The following DHRS7B variants were observed in gnomAD, a reference collection of about 807,000 sequenced individuals.
The protein encoded by DHRS7B is peroxisomal reductase activating PPAR-gamma.
Under a neutral mutation model 26.4 loss-of-function variants are expected in DHRS7B, and 24 were observed. The ratio of observed to expected loss-of-function variants is 0.91; its 90% CI spans 0.66 to 1.28. DHRS7B has a LOEUF of 1.28. DHRS7B is among the 50% of genes most tolerant of loss of function. The probability of loss-of-function intolerance (pLI) is 0.00; values close to 1 mark genes in which losing one functional copy is unlikely to be tolerated. For missense variants in DHRS7B, 368 were observed against 419.4 expected, an observed-to-expected ratio of 0.88 and a Z score of 1.07; for synonymous variants, 142 against 166.4, an observed-to-expected ratio of 0.85 and a Z score of 1.13.
intron 3 of DHRS7B, among the ~76,000 whole-genome samples, chr17:21,182,655 T>C (rs1167416408): frequency 6.6e-6 from 1 of 152,166 alleles, no homozygotes; most frequent in African/African-American, 2.4e-5. Flanking sequence ...CCCAAAGTGC[T>C]GGGGATTACA....
chr17:21,160,397 A>G (rs1973975812), intron 1 of DHRS7B, among the ~76,000 whole-genome samples: 1 of 152,146 alleles, frequency 6.6e-6, no homozygotes, highest in Non-Finnish European at 1.5e-5. Context: ...GAACAACACA[A>G]CAAAAAAAAA....
At chr17:21,141,640 A>AAAAAAAAAAAAGG in intron 1 of DHRS7B, among the ~76,000 whole-genome samples, 6 of 90,080 alleles carry the variant, frequency 6.7e-5, no homozygotes, top group South Asian at 4.2e-4. Flanking sequence ...AAAAAAAAAA[A>AAAAAAAAAAAAGG]CAACCTCATC....
In DHRS7B at chr17:21,129,427, T is replaced by A. The variant is rs202115743; in HGVS notation, c.20+2436T>A. On this transcript the variant is annotated intron_variant, in intron 1 of 6. Coordinates refer to ENST00000395511, the MANE Select transcript of DHRS7B (RefSeq NM_015510.5). ...TGTTACTTAAAGACCCCTGTGAGGC[T>A]GTAGGTGGTGGCTCACACCTATAAT... Among the ~76,000 whole-genome samples, 4 of 152,080 alleles carry A rather than the reference T, an allele frequency of 2.6e-5. No individual in the cohort carries two copies. The East Asian group carries it at 7.7e-4, about 29-fold the overall frequency.
At chr17:21,158,632 T>C (rs1973929859) in intron 1 of DHRS7B, among the ~76,000 whole-genome samples, 1 of 152,212 alleles carries the variant, frequency 6.6e-6, no homozygotes, top group African/African-American at 2.4e-5. Flanking sequence ...AGCTTATCTA[T>C]GGAGTCAATG....
chr17:21,129,795 C>T (rs1973191020), intron 1 of DHRS7B, among the ~76,000 whole-genome samples: 1 of 151,218 alleles, frequency 6.6e-6, no homozygotes, highest in South Asian at 2.1e-4. Flanking sequence ...CAGTTTCTTT[C>T]AGAAAAGAAA....
chr17:21,179,862 G>A (rs1445842417), intron 3 of DHRS7B, among the ~76,000 whole-genome samples: 4 of 150,968 alleles, frequency 2.6e-5, no homozygotes, highest in Non-Finnish European at 5.9e-5. Flanking sequence ...TGCCTCCTGG[G>A]TTCAAGCGAT....
intron 1 of DHRS7B, among the ~76,000 whole-genome samples, chr17:21,138,415 G>A (rs1973415308): frequency 6.6e-6 from 1 of 150,948 alleles, no homozygotes; most frequent in Non-Finnish European, 1.5e-5. Flanking sequence ...AGTAGAGATG[G>A]GGTTTCGCCA....
chr17:21,132,545 A>AC (rs1288217532), intron 1 of DHRS7B, among the ~76,000 whole-genome samples: 6 of 147,502 alleles, frequency 4.1e-5, no homozygotes, highest in South Asian at 2.1e-4. Context: ...AAAAAAAAAA[A>AC]AAAACAAAAA....
chr17:21,153,402 G>A (rs147447561), intron 1 of DHRS7B, among the ~76,000 whole-genome samples: 3 of 152,208 alleles, frequency 2.0e-5, no homozygotes, highest in African/African-American at 7.2e-5. Context: ...AGAAATGTGA[G>A]ATAACTACAA....
chr17:21,132,348 A>AATAT (rs752912752), intron 1 of DHRS7B, among the ~76,000 whole-genome samples: 29 of 125,048 alleles, frequency 2.3e-4, no homozygotes, highest in African/African-American at 7.0e-4. Flanking sequence ...AAAAAAAAAA[A>AATAT]ATATATATAT....
rs191631981 is a variant in DHRS7B at position 21,141,826 on chromosome 17, C to T, written c.20+14835C>T. On this transcript the variant is annotated intron_variant, in intron 1 of 6. Transcript: ENST00000395511. Reference sequence around the variant, plus strand: ...TCAGGGATTCTCTGGAAGGAGTGCTCTCAGATCCCAGCAAATCGTCCTATT... The same window carrying T: ...TCAGGGATTCTCTGGAAGGAGTGCTTTCAGATCCCAGCAAATCGTCCTATT... Among the ~76,000 whole-genome samples the T allele has an allele frequency of 1.2e-3, 185 of 151,968 alleles. No individual in the cohort carries two copies. The Middle Eastern group carries it at 0.014, about 11-fold the overall frequency.
chr17:21,157,847 A>T (rs1416141547), intron 1 of DHRS7B, among the ~76,000 whole-genome samples: 1 of 152,108 alleles, frequency 6.6e-6, no homozygotes, highest in Non-Finnish European at 1.5e-5. Flanking sequence ...CAGGAGGCTG[A>T]GGCAGAAAAA....
At chr17:21,150,924 G>A (rs1045494426) in intron 1 of DHRS7B, among the ~76,000 whole-genome samples, 3 of 152,116 alleles carry the variant, frequency 2.0e-5, no homozygotes, top group Non-Finnish European at 4.4e-5. Context: ...ATTAGGATTA[G>A]AATGTGGACA....
intron 1 of DHRS7B, among the ~76,000 whole-genome samples, chr17:21,150,309 T>C (rs1343273822): frequency 1.3e-5 from 2 of 151,682 alleles, no homozygotes; most frequent in African/African-American, 2.4e-5. Flanking sequence ...ACCAAAGACA[T>C]GCAACAAATC....
At chr17:21,182,828 A>G (rs1207773346) in intron 3 of DHRS7B, among the ~76,000 whole-genome samples, 1 of 152,254 alleles carries the variant, frequency 6.6e-6, no homozygotes, top group Non-Finnish European at 1.5e-5. Flanking sequence ...ATCTATATTC[A>G]TAAGAGATAT....
chr17:21,158,525 G>A (rs1434013519), intron 1 of DHRS7B, among the ~76,000 whole-genome samples: 1 of 152,120 alleles, frequency 6.6e-6, no homozygotes, highest in Admixed American at 6.5e-5. Flanking sequence ...TTTTTAATGA[G>A]GCAGACTATA....
chr17:21,164,222 G>T (rs1202954227), intron 1 of DHRS7B, among the ~76,000 whole-genome samples: 1 of 151,182 alleles, frequency 6.6e-6, no homozygotes, highest in African/African-American at 2.4e-5. Flanking sequence ...ATACAGACGG[G>T]GTCTCACTCT....
At chr17:21,146,305 G>A (rs899998420) in intron 1 of DHRS7B, among the ~76,000 whole-genome samples, 5 of 152,176 alleles carry the variant, frequency 3.3e-5, no homozygotes, top group Non-Finnish European at 5.9e-5. Flanking sequence ...GGAGGTTGTG[G>A]TGAGAGGATC....
intron 1 of DHRS7B, among the ~76,000 whole-genome samples, chr17:21,156,934 A>G (rs1027713253): frequency 3.3e-5 from 5 of 150,432 alleles, no homozygotes; most frequent in South Asian, 2.1e-4. Context: ...AAAGAATGCT[A>G]TGAATAACTC....
Sources: allele counts gnomAD v4.1 joint callset (sites outside exome capture counted in the v4.1 genomes callset), GRCh38; gene constraint gnomAD v4.1.1; transcripts MANE v1.5; gene names NCBI Gene and HGNC (gene_info 2026-07-23, HGNC 2026-07-21).